PDE10A: variants seen among roughly 807,000 people sequenced by gnomAD.
The protein encoded by PDE10A is cAMP and cAMP-inhibited cGMP 3',5'-cyclic phosphodiesterase 10A.
PDE10A carries 39 observed loss-of-function variants against 97.7 expected under a neutral mutation model. The observed-to-expected ratio is 0.40, with a 90% CI of 0.31 to 0.52. PDE10A has a LOEUF of 0.52. Ranked by LOEUF, PDE10A falls within the 20% of genes least tolerant of loss-of-function variation. The pLI is 0.56. For synonymous variants in PDE10A, 371 were observed against 376.8 expected, an observed-to-expected ratio of 0.98 and a Z score of 0.18; for missense variants, 731 against 1,047.8, an observed-to-expected ratio of 0.70 and a Z score of 4.17.
intron 3 of PDE10A, among the ~76,000 whole-genome samples, chr6:165,457,483 T>C (rs1778026670): frequency 6.6e-6 from 1 of 152,166 alleles, no homozygotes; most frequent in Non-Finnish European, 1.5e-5. Context: ...AGATAAGACC[T>C]GAACGATAGA....
At chr6:165,401,733 A>AG (rs1341041205) in intron 13 of PDE10A, among the ~76,000 whole-genome samples, 1 of 152,196 alleles carries the variant, frequency 6.6e-6, no homozygotes, top group Non-Finnish European at 1.5e-5. Flanking sequence ...ACTCTGTGAG[A>AG]GGAGACTGCT....
At chr6:165,766,956 A>T (rs1777867623) in intron 1 of PDE10A, among the ~76,000 whole-genome samples, 2 of 152,222 alleles carry the variant, frequency 1.3e-5, no homozygotes, top group South Asian at 2.1e-4. Flanking sequence ...TAACTACTTG[A>T]GTCTTTCAAA....
chr6:165,474,587 C>T (rs1002514497), intron 3 of PDE10A, among the ~76,000 whole-genome samples: 1 of 152,180 alleles, frequency 6.6e-6, no homozygotes, highest in Admixed American at 6.5e-5. Flanking sequence ...ATGACCCCCA[C>T]CATTTACATG....
intron 1 of PDE10A, among the ~76,000 whole-genome samples, chr6:165,902,700 C>T (rs751504764): frequency 4.5e-4 from 68 of 152,150 alleles, no homozygotes; most frequent in Non-Finnish European, 7.5e-4. Context: ...CCAGGTGTGG[C>T]GCACGGGCTG....
At chr6:165,754,667 A>G (rs1793078370) in intron 1 of PDE10A, among the ~76,000 whole-genome samples, 2 of 152,180 alleles carry the variant, frequency 1.3e-5, no homozygotes, top group African/African-American at 4.8e-5. Context: ...TTTTGGATTC[A>G]GAGAGCTACA....
intron 18 of PDE10A, among the ~76,000 whole-genome samples, chr6:165,364,755 T>A (rs1783654492): frequency 1.3e-5 from 2 of 152,192 alleles, no homozygotes; most frequent in African/African-American, 4.8e-5. Context: ...ACTTAATAGT[T>A]ATATTCTTTT....
chr6:165,508,219 C>T (rs549768729), intron 2 of PDE10A, among the ~76,000 whole-genome samples: 9 of 152,132 alleles, frequency 5.9e-5, no homozygotes, highest in Non-Finnish European at 8.8e-5. Context: ...CATTATAATC[C>T]CTGCCAACTG....
intron 1 of PDE10A, among the ~76,000 whole-genome samples, chr6:165,726,361 T>C (rs1792294075): frequency 6.6e-6 from 1 of 152,180 alleles, no homozygotes; most frequent in Non-Finnish European, 1.5e-5. Flanking sequence ...TTAAAAAATA[T>C]TTTCCTGAGG....
chr6:165,865,529 CA>C (rs1238001908), intron 1 of PDE10A, among the ~76,000 whole-genome samples: 7 of 151,648 alleles, frequency 4.6e-5, no homozygotes, highest in African/African-American at 1.7e-4. Flanking sequence ...AGAGAGCACA[CA>C]AAGAAGCCAA....
chr6:165,397,445 C>A (rs550871333), intron 13 of PDE10A, among the ~76,000 whole-genome samples: 18 of 152,290 alleles, frequency 1.2e-4, no homozygotes, highest in African/African-American at 3.8e-4. Flanking sequence ...CAAGGTCACT[C>A]ACCCTTGTAA....
chr6:165,546,104 A>G (rs543255325), intron 1 of PDE10A, among the ~76,000 whole-genome samples: 37 of 152,232 alleles, frequency 2.4e-4, no homozygotes, highest in Non-Finnish European at 3.7e-4. Context: ...CTAACAAGCC[A>G]TGAAGTAACA....
At chr6:165,740,524 G>A (rs376299214) in intron 1 of PDE10A, among the ~76,000 whole-genome samples, 9 of 152,148 alleles carry the variant, frequency 5.9e-5, no homozygotes, top group East Asian at 3.9e-4. Context: ...TAGTACAGAC[G>A]GGTTTTCACT....
intron 1 of PDE10A, among the ~76,000 whole-genome samples, chr6:165,702,160 C>T (rs1433730993): frequency 1.3e-5 from 2 of 152,220 alleles, no homozygotes; most frequent in East Asian, 1.9e-4. Flanking sequence ...TCAGAACATG[C>T]CCTGGGACGG....
At chr6:165,738,772 A>G (rs999379312) in intron 1 of PDE10A, among the ~76,000 whole-genome samples, 12 of 152,212 alleles carry the variant, frequency 7.9e-5, no homozygotes, top group African/African-American at 2.4e-4. Context: ...GGTGATGGTG[A>G]GCATTTTTTC....
At chr6:165,978,393 C>T (rs1317562792) in intron 1 of PDE10A, among the ~76,000 whole-genome samples, 1 of 152,214 alleles carries the variant, frequency 6.6e-6, no homozygotes, top group Non-Finnish European at 1.5e-5. Flanking sequence ...TTTATTACTA[C>T]TTCTCTTTAC....
intron 1 of PDE10A, among the ~76,000 whole-genome samples, chr6:165,658,861 G>A (rs893141533): frequency 6.6e-6 from 1 of 152,026 alleles, no homozygotes; most frequent in African/African-American, 2.4e-5. Flanking sequence ...GCCTGATAAG[G>A]GCAGAGTAAG....
intron 2 of PDE10A, among the ~76,000 whole-genome samples, chr6:165,499,104 G>T (rs1185664077): frequency 6.6e-6 from 1 of 152,274 alleles, no homozygotes; most frequent in Non-Finnish European, 1.5e-5. Context: ...TAAAAATAAT[G>T]AGTGGTTCTC....
At position 165,396,334 on chromosome 6, in the gene PDE10A, G is replaced by A. The variant is rs761213338; in HGVS notation, c.2202C>T (p.Leu734=). 2 of 1,612,994 alleles carry A rather than the reference G, an allele frequency of 1.2e-6. No homozygotes were observed. The highest frequency in any genetic ancestry group is 2.2e-5 in the South Asian group (2 of 90,884). ...ATACTTACAATTCAATTTCTTTGCA[G>A]AGACGCACGGGAAGGGTGAATTGCA... ...GLMQFTLPVR[L]CKEIELFHFD... is the part of the protein sequence containing the mutation. The change falls in exon 14 of 22, where the codon CTC becomes CTT. Residue 734 remains leucine, a synonymous_variant. Coordinates refer to ENST00000539869, the MANE Select transcript of PDE10A (RefSeq NM_001385079.1).
upstream of PDE10A, among the ~76,000 whole-genome samples, chr6:165,665,737 C>G (rs1790482805): frequency 6.6e-6 from 1 of 151,552 alleles, no homozygotes; most frequent in Non-Finnish European, 1.5e-5. Flanking sequence ...TAGTTAACAC[C>G]AGGTGCCAAA....
Sources: gnomAD v4.1 joint callset for allele counts (sites outside exome capture counted in the v4.1 genomes callset) on GRCh38, gnomAD v4.1.1 for gene constraint, MANE v1.5 for transcripts, NCBI Gene and HGNC (gene_info 2026-07-23, HGNC 2026-07-21) for gene names.